Variants in ZBTB21 observed in about 807,000 individuals in gnomAD.
ZBTB21 encodes the protein zinc finger and BTB domain-containing protein 21.
A neutral mutation model predicts 39.8 loss-of-function variants in ZBTB21; 10 were observed. The ratio of observed to expected loss-of-function variants is 0.25; its 90% confidence interval spans 0.16 to 0.43. ZBTB21 has a LOEUF of 0.43. Ranked by LOEUF, ZBTB21 falls within the 20% of genes least tolerant of loss-of-function variation. The probability of loss-of-function intolerance (pLI) is 1.00; values close to 1 mark genes in which losing one functional copy is unlikely to be tolerated. For synonymous variants in ZBTB21, 551 were observed against 498.8 expected, an observed-to-expected ratio of 1.10 and a Z score of -1.40; for missense variants, 1,221 against 1,296.3, an observed-to-expected ratio of 0.94 and a Z score of 0.89.
chr21:42,005,700 C>T (rs1455621846), intron 1 of ZBTB21, among the ~76,000 whole-genome samples: 2 of 152,212 alleles, frequency 1.3e-5, no homozygotes, highest in Admixed American at 1.3e-4. Context: ...GCTTTGATCG[C>T]TCACCCAACA....
rs780140400 is a variant in ZBTB21 at position 41,992,889 on chromosome 21, G to T, written c.1207C>A (p.Gln403Lys). 6.2e-7 allele frequency: 1 copy of T among 1,614,208 alleles called. No homozygotes were observed. Among genetic ancestry groups the T allele is most frequent in the Non-Finnish European group, 8.5e-7 (1 of 1,180,044 alleles). ...CTAAAGGACCTGAGGCGATGCGGTT[G>T]TAGCACTTGAGGCCTGTCATCTAGG... ...TALDDRPQVLQPHRLRSFSAS... is the reference protein window; with the variant it reads ...TALDDRPQVLKPHRLRSFSAS... Residue 403 changes from glutamine to lysine, a missense_variant, in exon 3 of 3, where the codon CAA (glutamine) becomes AAA (lysine). By Grantham distance (53) the Gln-to-Lys change is moderately conservative. Around this residue, in one of 4 missense-constraint regions of ZBTB21, gnomAD observed 500 missense variants for 465.6 expected, o/e 1.07. Transcript: ENST00000310826. This position sits in a 1 kb window ranked among gnomAD's most constrained non-coding sequence, Gnocchi z 4.1.
At chr21:42,001,389 C>T (rs987846789) in intron 2 of ZBTB21, among the ~76,000 whole-genome samples, 3 of 152,204 alleles carry the variant, frequency 2.0e-5, no homozygotes, top group African/African-American at 7.2e-5. Context: ...TGTGCTAGAA[C>T]CCTTCTAGAC....
At position 41,993,107 on chromosome 21, in the gene ZBTB21, T is replaced by A. The variant is rs1470531718; in HGVS notation, c.989A>T (p.Asp330Val). ...SGSGSGNQSIDRSGPLVKSLL... is the reference protein window; with the variant it reads ...SGSGSGNQSIVRSGPLVKSLL... ...ACTCTTAACAAGTGGGCCACTCCTG[T>A]CAATGCTTTGGTTTCCAGAACCAGA... Residue 330 changes from aspartate (D) to valine (V), a missense_variant, in exon 3 of 3, where the codon GAC becomes GTC. Asp to Val is a radical substitution (Grantham distance 152). This residue lies in a region of ZBTB21 where 500 missense variants were observed against 465.6 expected (regional missense o/e 1.07). Transcript: ENST00000310826. The A allele has an allele frequency of 6.2e-7, 1 of 1,614,248 alleles. No homozygotes were observed.
chr21:41,992,423 G>A lies in ZBTB21; in HGVS notation c.1673C>T (p.Thr558Ile), dbSNP rs2065674439. ...GTTAACATGACGGTGAAGACCTGCT[G>A]TTGATCTAAAGATCTTAAGGCAATG... ...CKHCLKIFRS[T>I]AGLHRHVNMY... The change falls in exon 3 of 3, where the codon ACA becomes ATA. Residue 558 changes from threonine (T) to isoleucine (I), a missense_variant. Transcript: ENST00000310826. This position sits in a 1 kb window ranked among gnomAD's most constrained non-coding sequence, Gnocchi z 4.1. 1 of 1,614,172 alleles carries A rather than the reference G, an allele frequency of 6.2e-7. No individual in the cohort carries two copies. Among genetic ancestry groups the A allele is most frequent in the Non-Finnish European group, 8.5e-7 (1 of 1,180,030 alleles).
At position 41,993,229 on chromosome 21, in the gene ZBTB21, G is replaced by C. The variant is rs375211172; in HGVS notation, c.867C>G (p.Pro289=). The change falls in exon 3 of 3, where the codon CCC becomes CCG. Residue 289 remains proline, a synonymous_variant. Transcript: ENST00000310826. ...VLSVCSSSET[P]YLLKETNKGN... Reference sequence around the variant, plus strand: ...CTTTGTTAGTTTCTTTTAATAGATAGGGAGTCTCTGATGAGCTACAAACAG... The same window carrying C: ...CTTTGTTAGTTTCTTTTAATAGATACGGAGTCTCTGATGAGCTACAAACAG... 42 of 1,611,700 alleles carry C rather than the reference G, an allele frequency of 2.6e-5. No individual in the cohort carries two copies. In the East Asian group the frequency reaches 9.1e-4, roughly 35 times the overall value.
Position 41,990,643 on chromosome 21 carries a change from CCA to C in ZBTB21, c.*250_*251del, listed in dbSNP as rs1389053533. The C allele has an allele frequency of 1.0e-5, 3 of 297,070 alleles. No homozygotes were observed. Among genetic ancestry groups the C allele is most frequent in the Admixed American group, 4.7e-5 (1 of 21,138 alleles). The allele number at this position is 297,070 out of a possible 1,614,324, so 18.4% of individuals were successfully genotyped here. ...AACCATGCACACAATCAAGACTAAT[CCA>C]ATTTCAACATTAATGAAATCAAACC... On this transcript the variant is annotated 3_prime_UTR_variant, in exon 3 of 3. Transcript: ENST00000310826.
At chr21:41,996,845 T>G (rs941690638) in intron 2 of ZBTB21, among the ~76,000 whole-genome samples, 2 of 152,172 alleles carry the variant, frequency 1.3e-5, no homozygotes, top group Non-Finnish European at 2.9e-5. Flanking sequence ...CTTCTTGTGA[T>G]AGTGAATAAA....
In ZBTB21 at chr21:41,988,262, A is replaced by G. The variant is rs2146264165; in HGVS notation, c.*2633T>C. 1 of 152,364 alleles carries G rather than the reference A, an allele frequency of 6.6e-6. No homozygotes were observed. Among genetic ancestry groups the G allele is most frequent in the East Asian group, 1.9e-4 (1 of 5,192 alleles). The allele number at this position is 152,364 out of a possible 1,614,324, so 9.4% of individuals were successfully genotyped here. On this transcript the variant is annotated 3_prime_UTR_variant, in exon 3 of 3. Transcript: ENST00000310826. ...AACAAAGAATATATTAAAACATTTT[A>G]CATTCTTTCCACAACTGCATAAAAA...
intron 2 of ZBTB21, among the ~76,000 whole-genome samples, chr21:41,995,243 G>A (rs2050821322): frequency 6.6e-6 from 1 of 152,210 alleles, no homozygotes. Context: ...AGGAAAATGT[G>A]GGAAACTTTG....
intron 1 of ZBTB21, among the ~76,000 whole-genome samples, chr21:42,009,760 G>A (rs908708341): frequency 2.6e-5 from 4 of 151,972 alleles, no homozygotes; most frequent in African/African-American, 9.7e-5. Flanking sequence ...GCGGGTCGCG[G>A]CAGGTGCGGG....
chr21:41,990,822 T>C lies in ZBTB21; in HGVS notation c.*73A>G. The C allele has an allele frequency of 1.5e-6, 2 of 1,345,122 alleles. No homozygotes were observed. The highest frequency in any genetic ancestry group is 2.8e-5 in the Admixed American group (1 of 36,348). 83.3% of individuals were successfully genotyped at this position (1,345,122 alleles called of 1,614,324 possible). ...TTATTCTTGTTTAAAAAATATTTTGTTTCTTATGACACATTTCACAATTCA... is the reference window on the plus strand; with the variant it reads ...TTATTCTTGTTTAAAAAATATTTTGCTTCTTATGACACATTTCACAATTCA... On this transcript the variant is annotated 3_prime_UTR_variant, in exon 3 of 3. Coordinates refer to ENST00000310826, the MANE Select transcript of ZBTB21 (RefSeq NM_001098402.2).
Position 41,998,999 on chromosome 21 carries a change from A to G in ZBTB21, c.-14+3898T>C, listed in dbSNP as rs370025030. Among the ~76,000 whole-genome samples the G allele has an allele frequency of 1.1e-4, 17 of 152,148 alleles. No homozygotes were observed. The East Asian group carries it at 3.1e-3, about 28-fold the overall frequency. On this transcript the variant is annotated intron_variant, in intron 2 of 2. Transcript: ENST00000310826. ...TCCCTTCCTTTTTCTTCTCTTAGTC[A>G]TTTAAATTTTCCTTAATCCTACTAT...
intron 2 of ZBTB21, among the ~76,000 whole-genome samples, chr21:41,994,556 T>C (rs1321703926): frequency 6.6e-6 from 1 of 152,206 alleles, no homozygotes; most frequent in African/African-American, 2.4e-5. Context: ...TTAAACATAA[T>C]GTGAACTGTT....
rs568526053 is a variant in ZBTB21 at position 42,010,139 on chromosome 21, G to C, written c.-79+113C>G. On this transcript the variant is annotated intron_variant, in intron 1 of 2. Transcript: ENST00000310826. ...GCAACCCGCTGGTGGAGAAAAAAGA[G>C]GAGAGAAATCACCTCAGAGTTACGT... is the stretch of plus-strand genomic sequence containing the variant. 63 of 389,280 alleles carry C rather than the reference G, an allele frequency of 1.6e-4. No homozygotes were observed. The South Asian group carries it at 2.7e-3, about 17-fold the overall frequency. 24.1% of individuals were successfully genotyped at this position (389,280 alleles called of 1,614,324 possible). A position where few individuals can be genotyped will look rare whatever the true frequency, so the allele number is the denominator to read the frequency against.
At chr21:41,996,990 G>A (rs1199809193) in intron 2 of ZBTB21, among the ~76,000 whole-genome samples, 1 of 152,204 alleles carries the variant, frequency 6.6e-6, no homozygotes, top group African/African-American at 2.4e-5. Context: ...ACATGGACCT[G>A]TGAGTCCACT....
In ZBTB21 at chr21:41,991,996, T is replaced by A. The variant is rs368348040; in HGVS notation, c.2100A>T (p.Val700=). 6.2e-7 allele frequency: 1 copy of A among 1,614,224 alleles called. No homozygotes were observed. Among genetic ancestry groups the A allele is most frequent in the Non-Finnish European group, 8.5e-7 (1 of 1,180,044 alleles). Residue 700 remains valine, a synonymous_variant, in exon 3 of 3, where the codon GTA becomes GTT. Coordinates refer to ENST00000310826, the MANE Select transcript of ZBTB21 (RefSeq NM_001098402.2). The surrounding 1 kb of genome is among the most constrained non-coding windows in gnomAD (Gnocchi z 4.9). ...GCTCTTTTGGTTTAGCAACTTTATT[T>A]ACTCCAAGGGGTTTTTCTCCTGGAT... is the stretch of plus-strand genomic sequence containing the variant. ...KMHPGEKPLG[V]NKVAKPKEHA... is the part of the protein sequence containing the mutation.
chr21:41,989,744 C>A lies in ZBTB21; in HGVS notation c.*1151G>T, dbSNP rs1324582324. On this transcript the variant is annotated 3_prime_UTR_variant, in exon 3 of 3. Coordinates refer to ENST00000310826, the MANE Select transcript of ZBTB21 (RefSeq NM_001098402.2). The stretch of plus-strand genomic sequence containing the variant: ...CTTGCCCATGATTTTAACCATCAGA[C>A]CCCCAACAAATTCTAACAGAAATTG... 1 of 152,070 alleles carries A rather than the reference C, an allele frequency of 6.6e-6. No homozygotes were observed. The highest frequency in any genetic ancestry group is 1.5e-5 in the Non-Finnish European group (1 of 67,986). 9.4% of individuals were successfully genotyped at this position (152,070 alleles called of 1,614,324 possible).
Position 41,993,486 on chromosome 21 carries a change from T to A in ZBTB21, c.610A>T (p.Thr204Ser). 6.2e-7 allele frequency: 1 copy of A among 1,614,248 alleles called. No individual in the cohort carries two copies. Among genetic ancestry groups the A allele is most frequent in the Non-Finnish European group, 8.5e-7 (1 of 1,180,046 alleles). Residue 204 changes from threonine (T) to serine (S), a missense_variant, in exon 3 of 3, where the codon ACT (threonine) becomes TCT (serine). Thr to Ser is a moderately conservative substitution (Grantham distance 58). Around this residue, in one of 4 missense-constraint regions of ZBTB21, gnomAD observed 500 missense variants for 465.6 expected, o/e 1.07. Transcript: ENST00000310826. ...CTATCTTTCGGCCAACTCTTTTCAG[T>A]TAATGACAAATTATGAAGTGGTTCT... ...PIEPLHNLSL[T>S]EKSWPKDSSV...
In ZBTB21 at chr21:41,992,446, A is replaced by T. The variant is rs1363345264; in HGVS notation, c.1650T>A (p.His550Gln). 1.2e-6 allele frequency: 2 copies of T among 1,613,948 alleles called. No homozygotes were observed. Among genetic ancestry groups the T allele is most frequent in the Non-Finnish European group, 1.7e-6 (2 of 1,180,006 alleles). ...TRPNKKFKCK[H>Q]CLKIFRSTAG... ...CTGTTGATCTAAAGATCTTAAGGCA[A>T]TGTTTGCATTTAAATTTTTTGTTTG... The change falls in exon 3 of 3, where the codon CAT (histidine) becomes CAA (glutamine). Residue 550 changes from histidine to glutamine, a missense_variant. Around this residue, in one of 4 missense-constraint regions of ZBTB21, gnomAD observed 90 missense variants for 133.1 expected, o/e 0.68. Coordinates refer to ENST00000310826, the MANE Select transcript of ZBTB21 (RefSeq NM_001098402.2). The surrounding 1 kb of genome is among the most constrained non-coding windows in gnomAD (Gnocchi z 4.1).
Sources: gnomAD v4.1 joint callset for allele counts (sites outside exome capture counted in the v4.1 genomes callset) on GRCh38, gnomAD v4.1.1 for gene constraint, gnomAD v4.1.1 regional missense constraint, Gnocchi (gnomAD v3.1) non-coding constraint, MANE v1.5 for transcripts, NCBI Gene and HGNC (gene_info 2026-07-23, HGNC 2026-07-21) for gene names.